The following SMYD3 variants were observed in gnomAD, a reference collection of about 807,000 sequenced individuals.
SMYD3 encodes histone-lysine N-methyltransferase SMYD3.
SMYD3 carries 36 observed loss-of-function variants against 57.7 expected under a neutral mutation model. That is an observed-to-expected ratio of 0.62 (90% CI 0.48 to 0.82). The LOEUF (loss-of-function observed/expected upper bound fraction) is 0.82, where lower values mean the gene tolerates loss of function less well. SMYD3 is among the 40% of genes least tolerant of loss of function. The probability of loss-of-function intolerance (pLI) is 0.00; values close to 1 mark genes in which losing one functional copy is unlikely to be tolerated. For synonymous variants in SMYD3, 211 were observed against 195.0 expected (o/e 1.08, Z -0.68); for missense variants, 515 against 538.8 (o/e 0.96, Z 0.44).
chr1:246,491,697 C>A (rs1361386636), intron 1 of SMYD3, among the ~76,000 whole-genome samples: 2 of 152,132 alleles, frequency 1.3e-5, no homozygotes, highest in African/African-American at 4.8e-5. Context: ...TAGAGAGGAG[C>A]TGCCCCTGGC....
intron 2 of SMYD3, among the ~76,000 whole-genome samples, chr1:246,352,135 T>TAAAAA (rs2065839436): frequency 5.4e-5 from 1 of 18,666 alleles, no homozygotes; most frequent in Non-Finnish European, 9.7e-5. Context: ...AGACTCTGTC[T>TAAAAA]CAAAAAAAAA....
At chr1:246,230,041 C>T (rs2063387899) in intron 5 of SMYD3, among the ~76,000 whole-genome samples, 1 of 152,162 alleles carries the variant, frequency 6.6e-6, no homozygotes, top group African/African-American at 2.4e-5. Flanking sequence ...TTCACATTAT[C>T]CAAACACATG....
At chr1:246,170,365 C>T (rs10924529) in intron 5 of SMYD3, among the ~76,000 whole-genome samples, 3,703 of 150,676 alleles carry the variant, frequency 0.025, 206 homozygotes, top group East Asian at 0.22. Flanking sequence ...ATGTAGCTTC[C>T]CTTTACATTT....
intron 5 of SMYD3, among the ~76,000 whole-genome samples, chr1:246,088,059 C>A (rs1456845871): frequency 6.6e-6 from 1 of 152,108 alleles, no homozygotes; most frequent in Non-Finnish European, 1.5e-5. Context: ...CCTCTGTGAG[C>A]CCCTTTGACT....
chr1:246,156,860 C>T (rs1205066230), intron 5 of SMYD3, among the ~76,000 whole-genome samples: 2 of 152,048 alleles, frequency 1.3e-5, no homozygotes, highest in Non-Finnish European at 2.9e-5. Context: ...GTAAAAAGGT[C>T]GAACAAACCG....
At chr1:245,857,546 A>G (rs1372069171) in intron 10 of SMYD3, among the ~76,000 whole-genome samples, 1 of 44,778 alleles carries the variant, frequency 2.2e-5, no homozygotes, top group Non-Finnish European at 1.1e-4. Context: ...GTATTTGCAC[A>G]GTCTGCAAAG....
At chr1:245,954,537 A>C (rs1334660528) in intron 5 of SMYD3, among the ~76,000 whole-genome samples, 12 of 152,196 alleles carry the variant, frequency 7.9e-5, no homozygotes. Context: ...TTAGCCGAGC[A>C]TGCTGGCAGG....
chr1:246,066,449 T>C (rs1415758612), intron 5 of SMYD3, among the ~76,000 whole-genome samples: 1 of 151,788 alleles, frequency 6.6e-6, no homozygotes, highest in African/African-American at 2.4e-5. Context: ...TTTTTCAAAT[T>C]TTTTTTTACA....
chr1:246,296,416 C>T (rs1046037791), intron 5 of SMYD3, among the ~76,000 whole-genome samples: 4 of 152,152 alleles, frequency 2.6e-5, no homozygotes, highest in South Asian at 2.1e-4. Flanking sequence ...CCTTTGGCTT[C>T]GACAATAAAT....
At chr1:246,106,585 A>T (rs1209632770) in intron 5 of SMYD3, among the ~76,000 whole-genome samples, 1 of 152,204 alleles carries the variant, frequency 6.6e-6, no homozygotes, top group Admixed American at 6.5e-5. Flanking sequence ...TTCTGAAATG[A>T]GAAGTCCTAA....
At chr1:245,950,050 C>T (rs1228243964) in intron 5 of SMYD3, among the ~76,000 whole-genome samples, 1 of 151,948 alleles carries the variant, frequency 6.6e-6, no homozygotes, top group African/African-American at 2.4e-5. Flanking sequence ...ATTGTTAGAC[C>T]AGGAGTGCAG....
intron 2 of SMYD3, among the ~76,000 whole-genome samples, chr1:246,354,674 T>C (rs894631017): frequency 2.7e-5 from 4 of 150,002 alleles, no homozygotes; most frequent in African/African-American, 7.4e-5. Flanking sequence ...ACATAGGATG[T>C]AGATACACAA....
chr1:246,460,938 A>G (rs920843463), intron 1 of SMYD3, among the ~76,000 whole-genome samples: 2 of 152,236 alleles, frequency 1.3e-5, no homozygotes, highest in Non-Finnish European at 2.9e-5. Context: ...TGTCTGGGCT[A>G]AATAAACCCC....
chr1:246,346,470 T>C (rs911897085), intron 2 of SMYD3, among the ~76,000 whole-genome samples: 22 of 16,520 alleles, frequency 1.3e-3, no homozygotes, highest in African/African-American at 4.0e-3. Flanking sequence ...CAATACTGGG[T>C]AATTTATAAA....
intron 5 of SMYD3, among the ~76,000 whole-genome samples, chr1:246,249,094 G>T (rs1339879105): frequency 6.6e-6 from 1 of 151,640 alleles, no homozygotes; most frequent in Admixed American, 6.6e-5. Context: ...TTTTTTTATA[G>T]TATGATCATT....
At chr1:246,477,419 T>C (rs1481841103) in intron 1 of SMYD3, among the ~76,000 whole-genome samples, 1 of 152,218 alleles carries the variant, frequency 6.6e-6, no homozygotes, top group African/African-American at 2.4e-5. Context: ...ACACTGTTTT[T>C]GAAAACCTAG....
chr1:246,192,920 A>C lies in SMYD3; in HGVS notation c.531+134281T>G, dbSNP rs541338265. On this transcript the variant is annotated intron_variant, in intron 5 of 11. Transcript: ENST00000490107. The stretch of plus-strand genomic sequence containing the variant: ...AAGGTAAAGTCAAAAAAAAAAAAGA[A>C]ATGTAGTTACAAAAGATGCATTTCA... 7.9e-5 allele frequency among the ~76,000 whole-genome samples: 12 copies of C among 152,284 alleles called. No homozygotes were observed. The South Asian group carries it at 1.5e-3, about 18-fold the overall frequency.
At chr1:246,486,769 T>C (rs191258503) in intron 1 of SMYD3, among the ~76,000 whole-genome samples, 17 of 152,240 alleles carry the variant, frequency 1.1e-4, no homozygotes, top group African/African-American at 3.6e-4. Context: ...TAAAAAGTGA[T>C]CTTCAAAAAA....
At chr1:246,087,919 T>C (rs767849666) in intron 5 of SMYD3, among the ~76,000 whole-genome samples, 7 of 152,068 alleles carry the variant, frequency 4.6e-5, no homozygotes, top group Non-Finnish European at 8.8e-5. Context: ...TATGTAAACA[T>C]AGAAAATTAT....
Sources: gnomAD v4.1 joint callset for allele counts (sites outside exome capture counted in the v4.1 genomes callset) on GRCh38, gnomAD v4.1.1 for gene constraint, MANE v1.5 for transcripts, NCBI Gene and HGNC (gene_info 2026-07-23, HGNC 2026-07-21) for gene names.